TRAPPC2L: variants seen among roughly 807,000 people sequenced by gnomAD.
The protein encoded by TRAPPC2L is trafficking protein particle complex subunit 2-like protein.
Under a neutral mutation model 13.2 loss-of-function variants are expected in TRAPPC2L, and 17 were observed. The ratio of observed to expected loss-of-function variants is 1.29; its 90% CI spans 0.88 to 1.93. The LOEUF (loss-of-function observed/expected upper bound fraction) is 1.93, where lower values mean the gene tolerates loss of function less well. TRAPPC2L is among the 30% of genes most tolerant of loss of function. The probability of loss-of-function intolerance (pLI) is 0.00; values close to 1 mark genes in which losing one functional copy is unlikely to be tolerated. For missense variants in TRAPPC2L, 359 were observed against 252.1 expected, an observed-to-expected ratio of 1.42 and a Z score of -2.87; for synonymous variants, 150 against 98.1, an observed-to-expected ratio of 1.53 and a Z score of -3.12.
exon 4 of TRAPPC2L, chr16:88,861,473 A>C (rs1968384602): frequency 2.8e-6 from 1 of 351,978 alleles, no homozygotes; most frequent in Non-Finnish European, 5.7e-6. Context: ...CAATGTCTGG[A>C]TTCCGCCCGG....
chr16:88,857,030 A>G (rs1567551828), upstream of TRAPPC2L: 9 of 1,414,030 alleles, frequency 6.4e-6, no homozygotes, highest in South Asian at 4.5e-5. Flanking sequence ...CGGGGCCTGG[A>G]CTGCCTCGTG....
chr16:88,856,808 C>G, upstream of TRAPPC2L: 1 of 1,537,986 alleles, frequency 6.5e-7, no homozygotes, highest in Non-Finnish European at 8.7e-7. Flanking sequence ...GCGCCCGAGG[C>G]CCCCATCCCC....
At chr16:88,857,096 C>T (rs1567551942), upstream of TRAPPC2L, 2 of 1,547,712 alleles carry the variant, frequency 1.3e-6, no homozygotes, top group Admixed American at 1.9e-5. Context: ...GCTTTGGAGG[C>T]CGCGTGACCA....
intron 1 of TRAPPC2L, among the ~76,000 whole-genome samples, chr16:88,857,621 G>A (rs1318635636): frequency 6.6e-6 from 1 of 152,236 alleles, no homozygotes. Flanking sequence ...CTCTGCAGTG[G>A]CTTCTCGTTG....
chr16:88,861,670 C>T (rs1469448239), exon 4 of TRAPPC2L: 3 of 493,304 alleles, frequency 6.1e-6, no homozygotes, highest in Non-Finnish European at 1.2e-5. Context: ...AGCGGCCGAG[C>T]CCATAGTGGC....
chr16:88,856,244 C>G, upstream of TRAPPC2L: 1 of 703,048 alleles, frequency 1.4e-6, no homozygotes, highest in Non-Finnish European at 2.6e-6. Flanking sequence ...AGACAGCCGT[C>G]AGGTAAGACT....
chr16:88,861,015 G>T (rs753830918), exon 4 of TRAPPC2L: 3 of 1,532,856 alleles, frequency 2.0e-6, no homozygotes, highest in Non-Finnish European at 2.6e-6. Context: ...TGGTGGGGCC[G>T]TCGGTCTGTT....
rs11076728 is a variant in TRAPPC2L, at chr16:88,859,159, T to C, written c.206+368T>C. The stretch of plus-strand genomic sequence containing the variant: ...CATTTATTTCATTAGGCCTTGCCTC[T>C]TATGTCACTAGACACTCGTCTAGTC... On this transcript the variant is annotated intron_variant, in intron 2 of 3. Transcript: ENST00000565504. The C allele has an allele frequency of 2.1e-5, 9 of 430,738 alleles. No homozygotes were observed. In the East Asian group the frequency reaches 4.8e-4, roughly 23 times the overall value. 26.7% of individuals were successfully genotyped at this position (430,738 alleles called of 1,614,324 possible). A position where few individuals can be genotyped will look rare whatever the true frequency, so the allele number is the denominator to read the frequency against.
intron 2 of TRAPPC2L, chr16:88,859,241 T>C: frequency 1.9e-6 from 1 of 537,150 alleles, no homozygotes; most frequent in South Asian, 1.5e-5. Context: ...AAAGTCATCA[T>C]GTAGCCTGTC....
upstream of TRAPPC2L, chr16:88,856,235 G>A (rs953756252): frequency 8.5e-6 from 6 of 702,944 alleles, 1 homozygote; most frequent in Middle Eastern, 9.1e-4. Flanking sequence ...AGAGGACAGA[G>A]ACAGCCGTCA....
chr16:88,858,278 G>A (rs2143015090), intron 1 of TRAPPC2L, among the ~76,000 whole-genome samples: 2 of 152,362 alleles, frequency 1.3e-5, no homozygotes, highest in Middle Eastern at 6.8e-3. Context: ...TGCAGAGTTA[G>A]AGGTGGGCTG....
chr16:88,859,527 G>A (rs763000494), intron 2 of TRAPPC2L, 136 bp from the exon 3 acceptor site: 5 of 857,616 alleles, frequency 5.8e-6, no homozygotes, highest in African/African-American at 1.7e-5. Context: ...TACCCAGCAC[G>A]GCCACTGCAG....
chr16:88,856,969 A>C, upstream of TRAPPC2L: 1 of 1,405,518 alleles, frequency 7.1e-7, no homozygotes, highest in Non-Finnish European at 9.2e-7. Context: ...CGGGGCCTGG[A>C]CGGCCACGTG....
chr16:88,858,875 G>A, intron 2 of TRAPPC2L, 84 bp downstream of exon 2: 2 of 1,439,230 alleles, frequency 1.4e-6, no homozygotes, highest in Admixed American at 2.5e-5. Flanking sequence ...AAACCTTTTA[G>A]AAGAAAAAGA....
exon 4 of TRAPPC2L, chr16:88,860,967 G>C (rs1474222228): frequency 6.3e-7 from 1 of 1,584,244 alleles, no homozygotes; most frequent in Non-Finnish European, 8.6e-7. Flanking sequence ...TGAGTGAGCT[G>C]TGCTGCCAGC....
intron 1 of TRAPPC2L, 32 bp downstream of exon 1, chr16:88,857,215 C>G (rs375967968): frequency 4.5e-5 from 69 of 1,518,764 alleles, no homozygotes; most frequent in Non-Finnish European, 5.7e-5. Flanking sequence ...CGTCCGGGCT[C>G]GCACCATCCT....
exon 4 of TRAPPC2L, chr16:88,861,010 G>A: frequency 1.9e-6 from 3 of 1,543,116 alleles, no homozygotes; most frequent in African/African-American, 2.7e-5. Flanking sequence ...GACTGTGGTG[G>A]GGCCGTCGGT....
exon 2 of TRAPPC2L, chr16:88,858,790 G>T: frequency 6.2e-7 from 1 of 1,612,644 alleles, no homozygotes; most frequent in Non-Finnish European, 8.5e-7. Context: ...GGACTACAAG[G>T]TGTATCTTTC....
At position 88,858,540 on chromosome 16, in the gene TRAPPC2L, CG is replaced by C. The variant is rs1968142629; in HGVS notation, c.34-77del. 4 of 1,502,206 alleles carry C rather than the reference CG, an allele frequency of 2.7e-6. No individual in the cohort carries two copies. The East Asian group carries it at 9.1e-5, about 34-fold the overall frequency. 93.1% of individuals were successfully genotyped at this position (1,502,206 alleles called of 1,614,324 possible). A position where few individuals can be genotyped will look rare whatever the true frequency, so the allele number is the denominator to read the frequency against. ...GCGTTCCCCGGGTGGCTGCAGGTCACGGCTCTGCAGCATAGTTCAGAGCTGG... is the reference window on the plus strand; with the variant it reads ...GCGTTCCCCGGGTGGCTGCAGGTCACGCTCTGCAGCATAGTTCAGAGCTGG... On this transcript the variant is annotated intron_variant, in intron 1 of 3. Coordinates refer to ENST00000565504, the Ensembl canonical transcript of TRAPPC2L.
Sources: allele counts gnomAD v4.1 joint callset (sites outside exome capture counted in the v4.1 genomes callset), GRCh38; gene constraint gnomAD v4.1.1; transcripts MANE v1.5; gene names NCBI Gene and HGNC (gene_info 2026-07-23, HGNC 2026-07-21).